The following ERP44 variants were observed in gnomAD, a reference collection of about 807,000 sequenced individuals.
ERP44 encodes endoplasmic reticulum resident protein 44.
In ERP44, 25 loss-of-function variants were observed where a neutral mutation model predicts 53.4. The observed-to-expected ratio is 0.47, with a 90% CI of 0.34 to 0.65. The LOEUF is 0.65. Ranked by LOEUF, ERP44 falls within the 30% of genes least tolerant of loss-of-function variation. ERP44 has a pLI of 0.01. For missense variants in ERP44, 338 were observed against 493.2 expected, an observed-to-expected ratio of 0.69 and a Z score of 2.98; for synonymous variants, 145 against 161.2, an observed-to-expected ratio of 0.90 and a Z score of 0.76.
intron 4 of ERP44, among the ~76,000 whole-genome samples, chr9:100,050,896 A>T (rs751901137): frequency 7.2e-5 from 11 of 152,224 alleles, no homozygotes; most frequent in Non-Finnish European, 1.5e-4. Context: ...TAAGCTTTAG[A>T]GCATAATTTC....
intron 10 of ERP44, among the ~76,000 whole-genome samples, chr9:99,999,771 A>C (rs890520934): frequency 6.6e-6 from 1 of 152,114 alleles, no homozygotes; most frequent in Non-Finnish European, 1.5e-5. Context: ...AATGTCATGA[A>C]GCTTTCCCTG....
chr9:100,026,707 G>A (rs1830656395), intron 4 of ERP44, among the ~76,000 whole-genome samples: 1 of 152,110 alleles, frequency 6.6e-6, no homozygotes, highest in African/African-American at 2.4e-5. Flanking sequence ...GTTTCATTTA[G>A]GTCCAATATT....
chr9:100,019,025 T>A (rs1830555672), intron 6 of ERP44, among the ~76,000 whole-genome samples: 1 of 152,226 alleles, frequency 6.6e-6, no homozygotes, highest in Non-Finnish European at 1.5e-5. Context: ...CTCATGGAGT[T>A]TACATTTTGG....
intron 4 of ERP44, among the ~76,000 whole-genome samples, chr9:100,032,307 T>G (rs1825800799): frequency 6.6e-6 from 1 of 152,218 alleles, no homozygotes. Flanking sequence ...TTACAACTAC[T>G]AGATCTTCTG....
intron 1 of ERP44, among the ~76,000 whole-genome samples, chr9:100,080,766 T>C (rs971460641): frequency 6.6e-6 from 1 of 152,060 alleles, no homozygotes; most frequent in Non-Finnish European, 1.5e-5. Flanking sequence ...GAAGGTTAGG[T>C]TGGGGCAAGA....
intron 1 of ERP44, among the ~76,000 whole-genome samples, chr9:100,095,895 G>A (rs1222250443): frequency 6.6e-6 from 1 of 152,030 alleles, no homozygotes; most frequent in Non-Finnish European, 1.5e-5. Context: ...TTATTTTTAA[G>A]GTACTTGTAA....
intron 10 of ERP44, chr9:99,998,647 C>T: frequency 7.8e-6 from 6 of 767,516 alleles, no homozygotes; most frequent in South Asian, 5.5e-5. Flanking sequence ...TCTCCACATC[C>T]CTGTGCTCTT....
chr9:100,029,721 G>A (rs926792674), intron 4 of ERP44, among the ~76,000 whole-genome samples: 1 of 152,134 alleles, frequency 6.6e-6, no homozygotes, highest in Non-Finnish European at 1.5e-5. Flanking sequence ...CTGCACCACC[G>A]TGTTTACTGC....
At chr9:99,998,506 G>A (rs1349167554) in intron 10 of ERP44, 3 of 714,360 alleles carry the variant, frequency 4.2e-6, no homozygotes, top group African/African-American at 1.7e-5. Context: ...TCGGAGCCCC[G>A]CTGTCCCGGC....
intron 1 of ERP44, among the ~76,000 whole-genome samples, chr9:100,067,401 C>G (rs1163436613): frequency 1.3e-5 from 2 of 152,172 alleles, no homozygotes; most frequent in East Asian, 1.9e-4. Context: ...CTGTGTTGGC[C>G]GGGCTGGTCT....
intron 3 of ERP44, 145 bp downstream of exon 3, chr9:100,057,675 T>C (rs1826099418): frequency 3.1e-6 from 2 of 648,622 alleles, no homozygotes; most frequent in African/African-American, 1.9e-5. Context: ...ATTAAACTAC[T>C]TCCCTTGTGG....
At chr9:100,096,730 G>C (rs1013212969) in intron 1 of ERP44, among the ~76,000 whole-genome samples, 1 of 152,136 alleles carries the variant, frequency 6.6e-6, no homozygotes, top group Non-Finnish European at 1.5e-5. Context: ...AGCTAAATGG[G>C]AACTTGGCTT....
At chr9:100,073,056 T>C (rs983062525) in intron 1 of ERP44, among the ~76,000 whole-genome samples, 5 of 152,210 alleles carry the variant, frequency 3.3e-5, no homozygotes, top group African/African-American at 7.2e-5. Flanking sequence ...AATGAAGCAG[T>C]TGACAAACAT....
chr9:100,000,831 T>A (rs1399410878), intron 10 of ERP44, among the ~76,000 whole-genome samples: 1 of 152,094 alleles, frequency 6.6e-6, no homozygotes, highest in Admixed American at 6.5e-5. Context: ...TTTTCTATTG[T>A]TTTTCTAATC....
intron 4 of ERP44, among the ~76,000 whole-genome samples, chr9:100,048,929 G>A (rs1213802366): frequency 6.6e-6 from 1 of 151,896 alleles, no homozygotes; most frequent in Non-Finnish European, 1.5e-5. Flanking sequence ...ATGAAGAACT[G>A]GAGACTGGTT....
At position 100,016,432 on chromosome 9, in the gene ERP44, C is replaced by A; in HGVS notation, c.652G>T (p.Ala218Ser). The change falls in exon 8 of 12, where the codon GCT (alanine) becomes TCT (serine). Residue 218 changes from alanine to serine, a missense_variant. By Grantham distance (99) the Ala-to-Ser change is moderately conservative (BLOSUM62 1). Around this residue, in one of 3 missense-constraint regions of ERP44, gnomAD observed 224 missense variants for 301.4 expected, o/e 0.74. Transcript: ENST00000262455. ...NIIYKPPGHS[A>S]PDMVYLGAMT... Reference sequence around the variant, plus strand: ...GCTCCCAAGTACACCATATCCGGAGCAGAATGCTATTACAAAACAGAAAAA... The same window carrying A: ...GCTCCCAAGTACACCATATCCGGAGAAGAATGCTATTACAAAACAGAAAAA... 2 of 1,598,418 alleles carry A rather than the reference C, an allele frequency of 1.3e-6. No individual in the cohort carries two copies. The highest frequency in any genetic ancestry group is 2.2e-5 in the East Asian group (1 of 44,480).
At chr9:100,062,750 G>A (rs951043075) in intron 1 of ERP44, among the ~76,000 whole-genome samples, 4 of 152,096 alleles carry the variant, frequency 2.6e-5, no homozygotes, top group African/African-American at 9.7e-5. Context: ...AATATGTAGA[G>A]AGAATATATG....
chr9:99,999,006 G>A (rs369760708), intron 10 of ERP44: 10 of 1,123,322 alleles, frequency 8.9e-6, no homozygotes, highest in Admixed American at 1.8e-5. Context: ...GGAAGTAGTC[G>A]TGCGTGGGCA....
rs200507010 is a variant in ERP44, at chr9:100,029,772, T to TG, written c.287-7547dup. On this transcript the variant is annotated intron_variant, in intron 4 of 11. Transcript: ENST00000262455. ...AGTCAAAATATGAAATCAACCTAAG[T>TG]GGCCATCAACAGATGAATGGATAAA... 3.0e-3 allele frequency among the ~76,000 whole-genome samples: 451 copies of TG among 152,210 alleles called. 2 individuals carry two copies. The highest frequency in any genetic ancestry group is 0.01 in the African/African-American group (433 of 41,538).
Sources: gnomAD v4.1 joint callset for allele counts (sites outside exome capture counted in the v4.1 genomes callset) on GRCh38, gnomAD v4.1.1 for gene constraint, gnomAD v4.1.1 regional missense constraint, MANE v1.5 for transcripts, NCBI Gene and HGNC (gene_info 2026-07-23, HGNC 2026-07-21) for gene names.